The following NXPH1 variants were observed in gnomAD, a reference collection of about 807,000 sequenced individuals.
NXPH1 encodes neurexophilin-1.
A neutral mutation model predicts 23.7 loss-of-function variants in NXPH1; 5 were observed. The ratio of observed to expected loss-of-function variants is 0.21; its 90% CI spans 0.11 to 0.44. NXPH1 has a LOEUF of 0.44. NXPH1 is among the 20% of genes least tolerant of loss of function. The pLI is 0.99. For synonymous variants in NXPH1, 144 were observed against 122.2 expected (o/e 1.18, Z -1.18); for missense variants, 324 against 321.6 (o/e 1.01, Z -0.06).
intron 2 of NXPH1, among the ~76,000 whole-genome samples, chr7:8,739,190 A>AAC (rs1402877968): frequency 1.1e-4 from 16 of 150,418 alleles, no homozygotes; most frequent in African/African-American, 3.9e-4. Flanking sequence ...AAAAAAAAAA[A>AAC]AAAAAAAAAA....
chr7:8,520,777 A>C (rs1278054796), intron 2 of NXPH1, among the ~76,000 whole-genome samples: 1 of 152,158 alleles, frequency 6.6e-6, no homozygotes, highest in Non-Finnish European at 1.5e-5. Context: ...TATGCTGTTG[A>C]GTTGCATTGT....
chr7:8,586,626 AAT>A (rs201601131), intron 2 of NXPH1, among the ~76,000 whole-genome samples: 172 of 147,064 alleles, frequency 1.2e-3, no homozygotes, highest in Admixed American at 1.6e-3. Flanking sequence ...GAGAATAATG[AAT>A]ATATATATAT....
chr7:8,749,512 A>C, intron 2 of NXPH1, among the ~76,000 whole-genome samples: 1 of 152,188 alleles, frequency 6.6e-6, no homozygotes, highest in Admixed American at 6.5e-5. Context: ...CACACAGCTA[A>C]GTCTAGGGAA....
chr7:8,599,640 A>T (rs1819309253), intron 2 of NXPH1, among the ~76,000 whole-genome samples: 1 of 152,036 alleles, frequency 6.6e-6, no homozygotes, highest in Non-Finnish European at 1.5e-5. Context: ...CCTGTCAAAC[A>T]CTAAGTTCAA....
intron 2 of NXPH1, among the ~76,000 whole-genome samples, chr7:8,489,720 T>C (rs1209698484): frequency 6.6e-6 from 1 of 152,120 alleles, no homozygotes; most frequent in Non-Finnish European, 1.5e-5. Context: ...CATGGCATAT[T>C]AGTATTATGA....
intron 2 of NXPH1, among the ~76,000 whole-genome samples, chr7:8,477,531 A>T (rs1190449639): frequency 6.6e-6 from 1 of 152,136 alleles, no homozygotes; most frequent in Admixed American, 6.6e-5. Flanking sequence ...GTACAATAGG[A>T]TAGAGAGAGC....
chr7:8,479,856 T>C lies in NXPH1; in HGVS notation c.54+44089T>C, dbSNP rs186990622. Among the ~76,000 whole-genome samples, 496 of 152,250 alleles carry C rather than the reference T, an allele frequency of 3.3e-3. 2 individuals carry two copies. The highest frequency in any genetic ancestry group is 0.011 in the African/African-American group (471 of 41,564). ...CCATAAAATAAGTTAAATGTGTGAG[T>C]AGATAACGGTATTTTAAAAACCTAG... On this transcript the variant is annotated intron_variant, in intron 2 of 2. Transcript: ENST00000405863.
At chr7:8,714,073 A>T (rs1444693638) in intron 2 of NXPH1, among the ~76,000 whole-genome samples, 3 of 152,202 alleles carry the variant, frequency 2.0e-5, no homozygotes, top group African/African-American at 7.2e-5. Context: ...TCTAGGATCC[A>T]GGGTCTAGAG....
intron 2 of NXPH1, among the ~76,000 whole-genome samples, chr7:8,479,150 G>A (rs1293956024): frequency 6.6e-6 from 1 of 151,980 alleles, no homozygotes; most frequent in African/African-American, 2.4e-5. Context: ...TTAAATGAGG[G>A]TTAAAGATCA....
intron 2 of NXPH1, among the ~76,000 whole-genome samples, chr7:8,699,766 T>C (rs1011078023): frequency 6.6e-6 from 1 of 152,132 alleles, no homozygotes; most frequent in African/African-American, 2.4e-5. Context: ...AAAGATTGAT[T>C]TTTAACGTTT....
intron 2 of NXPH1, among the ~76,000 whole-genome samples, chr7:8,692,524 C>G (rs1821237978): frequency 6.6e-6 from 1 of 152,140 alleles, no homozygotes; most frequent in Non-Finnish European, 1.5e-5. Flanking sequence ...AACAAGACTT[C>G]CTAGGTAAGA....
At position 8,613,326 on chromosome 7, in the gene NXPH1, C is replaced by T. The variant is rs572180694; in HGVS notation, c.55-137682C>T. On this transcript the variant is annotated intron_variant, in intron 2 of 2. Transcript: ENST00000405863. ...AATATAGTCTATTGTCCAGGGCTTT[C>T]GTGGTGCATTTCAACAAAGAGAATC... Among the ~76,000 whole-genome samples the T allele has an allele frequency of 2.0e-5, 3 of 152,068 alleles. No homozygotes were observed. In the South Asian group the frequency reaches 6.2e-4, roughly 31 times the overall value.
chr7:8,491,241 C>T (rs1296617741), intron 2 of NXPH1, among the ~76,000 whole-genome samples: 1 of 151,998 alleles, frequency 6.6e-6, no homozygotes, highest in Non-Finnish European at 1.5e-5. Flanking sequence ...TTATCCCTAT[C>T]CTTGGCTGTG....
intron 2 of NXPH1, among the ~76,000 whole-genome samples, chr7:8,672,069 A>G (rs1009560510): frequency 6.6e-6 from 1 of 152,126 alleles, no homozygotes. Context: ...CTCTGATGGT[A>G]GTTTCTTTTG....
At chr7:8,465,675 G>T (rs551479672) in intron 2 of NXPH1, among the ~76,000 whole-genome samples, 1 of 152,234 alleles carries the variant, frequency 6.6e-6, no homozygotes, top group African/African-American at 2.4e-5. Context: ...TGCTCTCCCT[G>T]GTGGCACTTA....
At chr7:8,673,751 A>G (rs1429262843) in intron 2 of NXPH1, among the ~76,000 whole-genome samples, 2 of 152,150 alleles carry the variant, frequency 1.3e-5, no homozygotes, top group African/African-American at 4.8e-5. Context: ...TAAGTGTTCA[A>G]TATTAATTAG....
chr7:8,571,256 G>A (rs1353986161), intron 2 of NXPH1, among the ~76,000 whole-genome samples: 1 of 151,832 alleles, frequency 6.6e-6, no homozygotes, highest in African/African-American at 2.4e-5. Context: ...GTAAAGGAGG[G>A]TGTGAGGACC....
intron 2 of NXPH1, among the ~76,000 whole-genome samples, chr7:8,440,505 T>C (rs1419376793): frequency 2.0e-5 from 3 of 152,204 alleles, no homozygotes; most frequent in African/African-American, 7.2e-5. Context: ...TCTTCCTTAA[T>C]GAAAGTGTTG....
intron 2 of NXPH1, among the ~76,000 whole-genome samples, chr7:8,578,835 G>A (rs1240164581): frequency 2.6e-5 from 4 of 152,194 alleles, no homozygotes; most frequent in South Asian, 4.1e-4. Context: ...TTTTAGTTCA[G>A]TTGAGCCTTA....
Sources: gnomAD v4.1 joint callset for allele counts (sites outside exome capture counted in the v4.1 genomes callset) on GRCh38, gnomAD v4.1.1 for gene constraint, MANE v1.5 for transcripts, NCBI Gene and HGNC (gene_info 2026-07-23, HGNC 2026-07-21) for gene names.